Variants in FRAS1 observed in about 807,000 individuals in gnomAD.
FRAS1 encodes Fraser extracellular matrix complex subunit 1, also known as extracellular matrix organizing protein FRAS1.
FRAS1 carries 290 observed loss-of-function variants against 435.2 expected under a neutral mutation model. The observed-to-expected ratio is 0.67, with a 90% CI of 0.61 to 0.73. FRAS1 has a LOEUF of 0.73. Among genes scored for constraint, FRAS1 ranks in the 30% least tolerant of loss-of-function variants. The pLI is 0.00. For synonymous variants in FRAS1, 1,800 were observed against 1,851.0 expected (o/e 0.97, Z 0.71); for missense variants, 4,860 against 5,001.5 (o/e 0.97, Z 0.85).
In FRAS1 at chr4:78,221,949, A is replaced by C. The variant is rs1237370941; in HGVS notation, c.109-15561A>C. Among the ~76,000 whole-genome samples, 3 of 152,158 alleles carry C rather than the reference A, an allele frequency of 2.0e-5. 1 individual carries two copies. The highest frequency in any genetic ancestry group is 4.4e-5 in the Non-Finnish European group (3 of 68,028). On this transcript the variant is annotated intron_variant, in intron 2 of 73. Transcript: ENST00000512123. ...TTTAATGGAATCATTCCTCAACCGT[A>C]CTGGAAGTCTCAGGTTTATCCTCAG...
intron 2 of FRAS1, among the ~76,000 whole-genome samples, chr4:78,178,282 A>T (rs1721860040): frequency 6.6e-6 from 1 of 152,148 alleles, no homozygotes; most frequent in African/African-American, 2.4e-5. Flanking sequence ...TACTGCAGGC[A>T]CCTTAAAAGG....
intron 2 of FRAS1, among the ~76,000 whole-genome samples, chr4:78,091,830 T>C (rs1741540682): frequency 1.3e-5 from 2 of 151,786 alleles, no homozygotes; most frequent in Admixed American, 6.6e-5. Context: ...ACCAAATGAA[T>C]ATATTTTTAA....
chr4:78,079,835 T>A (rs1312143335), intron 2 of FRAS1, among the ~76,000 whole-genome samples: 1 of 152,064 alleles, frequency 6.6e-6, no homozygotes, highest in Non-Finnish European at 1.5e-5. Context: ...GAAGAAACCT[T>A]ATGATTTACT....
chr4:78,133,031 C>T (rs991339848), intron 2 of FRAS1, among the ~76,000 whole-genome samples: 3 of 152,104 alleles, frequency 2.0e-5, no homozygotes, highest in Non-Finnish European at 2.9e-5. Context: ...GCTGAGATCA[C>T]GCCACTGCAC....
intron 14 of FRAS1, among the ~76,000 whole-genome samples, chr4:78,295,748 C>CTTT (rs571061110): frequency 7.1e-6 from 1 of 141,190 alleles, no homozygotes; most frequent in African/African-American, 2.6e-5. Context: ...ATATTTCCTT[C>CTTT]TTTTTTTTTT....
At chr4:78,266,762 T>C (rs1726378529) in intron 7 of FRAS1, 72 bp from the exon 8 acceptor site, 3 of 1,144,670 alleles carry the variant, frequency 2.6e-6, no homozygotes, top group East Asian at 5.1e-5. Flanking sequence ...TTGGGTGTCT[T>C]ATGTGACAGT....
At chr4:78,190,631 A>ATTCCC (rs550088968) in intron 2 of FRAS1, among the ~76,000 whole-genome samples, 26 of 90,474 alleles carry the variant, frequency 2.9e-4, no homozygotes, top group African/African-American at 7.4e-4. Flanking sequence ...CTTCCCTTCC[A>ATTCCC]TTCCCTTCCC....
At chr4:78,429,250 A>C (rs1395073529) in intron 36 of FRAS1, 24 bp downstream of exon 36, 2 of 1,592,806 alleles carry the variant, frequency 1.3e-6, no homozygotes, top group East Asian at 2.3e-5. Flanking sequence ...GCCTGATAGA[A>C]ACATGGCTTT....
chr4:78,064,567 C>G (rs1274821599), intron 1 of FRAS1, among the ~76,000 whole-genome samples: 2 of 150,910 alleles, frequency 1.3e-5, no homozygotes, highest in Admixed American at 1.3e-4. Context: ...CCTTCATATT[C>G]TGGGTGAATT....
intron 51 of FRAS1, among the ~76,000 whole-genome samples, chr4:78,471,759 C>G (rs914994316): frequency 5.9e-5 from 9 of 152,186 alleles, no homozygotes; most frequent in African/African-American, 2.2e-4. Context: ...ATAATTGACT[C>G]CTAGAAAGTG....
chr4:78,270,124 G>A (rs1443433854), intron 9 of FRAS1, among the ~76,000 whole-genome samples: 2 of 152,166 alleles, frequency 1.3e-5, no homozygotes, highest in Non-Finnish European at 2.9e-5. Context: ...ATACTAATTG[G>A]AGTGAACTCC....
chr4:78,542,529 C>T lies in FRAS1; in HGVS notation c.*1405C>T, dbSNP rs894351157. ...CACACCATAGTCACCAAGCAAATAA[C>T]AGAGCCTTCACATTGTGTAATATTT... On this transcript the variant is annotated 3_prime_UTR_variant, in exon 74 of 74. Coordinates refer to ENST00000512123, the MANE Select transcript of FRAS1 (RefSeq NM_025074.7). 1.3e-5 allele frequency: 2 copies of T among 152,658 alleles called. No individual in the cohort carries two copies. The highest frequency in any genetic ancestry group is 2.9e-5 in the Non-Finnish European group (2 of 68,030). 9.5% of individuals were successfully genotyped at this position (152,658 alleles called of 1,614,324 possible). A position where few individuals can be genotyped will look rare whatever the true frequency, so the allele number is the denominator to read the frequency against.
At chr4:78,377,833 A>AGGAATACTGAAGTTCCCT (rs1560691470) in intron 26 of FRAS1, among the ~76,000 whole-genome samples, 22 of 152,166 alleles carry the variant, frequency 1.4e-4, no homozygotes, top group African/African-American at 4.3e-4. Context: ...GGTCCTACCC[A>AGGAATACTGAAGTTCCCT]AGAACATCCA....
chr4:78,476,533 G>A (rs958341634), intron 54 of FRAS1, among the ~76,000 whole-genome samples: 4 of 152,174 alleles, frequency 2.6e-5, no homozygotes, highest in African/African-American at 9.7e-5. Context: ...AGAGAAGTGG[G>A]CTCTGTTCTT....
chr4:78,315,727 G>A lies in FRAS1; in HGVS notation c.1812G>A (p.Arg604=), dbSNP rs1177052252. 1.9e-6 allele frequency: 3 copies of A among 1,613,988 alleles called. No homozygotes were observed. The highest frequency in any genetic ancestry group is 2.2e-5 in the East Asian group (1 of 44,888). ...GGTACTATGCTGATGCCACTGGCAG[G>A]TGCAAAGGTAAGAGATGGGTCACCA... is the stretch of plus-strand genomic sequence containing the variant. ...PGGYYADATG[R]CKVCHNSCAS... Residue 604 remains arginine (R), a synonymous_variant, in exon 16 of 74, where the codon AGG becomes AGA. Coordinates refer to ENST00000512123, the MANE Select transcript of FRAS1 (RefSeq NM_025074.7).
At chr4:78,102,407 C>T (rs781402696) in intron 2 of FRAS1, among the ~76,000 whole-genome samples, 2 of 152,154 alleles carry the variant, frequency 1.3e-5, no homozygotes, top group Admixed American at 6.5e-5. Flanking sequence ...AATGTCACTT[C>T]ATATTAAATG....
intron 58 of FRAS1, among the ~76,000 whole-genome samples, 184 bp from the exon 59 acceptor site, chr4:78,488,691 T>C (rs1720247757): frequency 6.6e-6 from 1 of 152,184 alleles, no homozygotes; most frequent in African/African-American, 2.4e-5. Flanking sequence ...GTAGAAGCAG[T>C]TCCCTTGTCC....
At chr4:78,116,928 A>T (rs960654535) in intron 2 of FRAS1, among the ~76,000 whole-genome samples, 1 of 152,202 alleles carries the variant, frequency 6.6e-6, no homozygotes, top group Non-Finnish European at 1.5e-5. Flanking sequence ...CCTAGCCTTG[A>T]TGATCTTTAC....
chr4:78,430,653 A>G (rs138102466), intron 37 of FRAS1, among the ~76,000 whole-genome samples: 5 of 152,074 alleles, frequency 3.3e-5, no homozygotes, highest in African/African-American at 1.2e-4. Context: ...CCAGTTCCTT[A>G]AACTATAGGT....
Sources: gnomAD v4.1 joint callset for allele counts (sites outside exome capture counted in the v4.1 genomes callset) on GRCh38, gnomAD v4.1.1 for gene constraint, MANE v1.5 for transcripts, NCBI Gene and HGNC (gene_info 2026-07-23, HGNC 2026-07-21) for gene names.